The following MRPS6 variants were observed in gnomAD, a reference collection of about 807,000 sequenced individuals.
The protein encoded by MRPS6 is mitochondrial ribosomal protein S6, also known as small ribosomal subunit protein bS6m.
A neutral mutation model predicts 13.1 loss-of-function variants in MRPS6; 6 were observed. The observed-to-expected ratio is 0.46, with a 90% CI of 0.25 to 0.91. The LOEUF (loss-of-function observed/expected upper bound fraction) is 0.91. MRPS6 is among the 40% of genes least tolerant of loss of function. The pLI is 0.18. For missense variants in MRPS6, 164 were observed against 155.6 expected (o/e 1.05, Z -0.29); for synonymous variants, 61 against 56.5 (o/e 1.08, Z -0.36).
Position 34,125,372 on chromosome 21 carries a change from T to C in MRPS6, c.77T>C (p.Ile26Thr), listed in dbSNP as rs1224258604. The change falls in exon 2 of 3, where the codon ATA becomes ACA. Residue 26 changes from isoleucine (I) to threonine (T), a missense_variant. Physicochemically the swap from Ile to Thr is moderately conservative, Grantham distance 89. Coordinates refer to ENST00000399312, the MANE Select transcript of MRPS6 (RefSeq NM_032476.4). ...ACTGCTGCTACTTTGAAACGTACGA[T>C]AGAGGCCCTGATGGACAGAGGAGCA... ...PETAATLKRT[I>T]EALMDRGAIV... is the part of the protein sequence containing the mutation. The C allele has an allele frequency of 1.9e-6, 3 of 1,613,672 alleles. No individual in the cohort carries two copies. Among genetic ancestry groups the C allele is most frequent in the Admixed American group, 1.7e-5 (1 of 59,980 alleles).
At chr21:34,127,701 A>G (rs1980356478) in intron 2 of MRPS6, among the ~76,000 whole-genome samples, 3 of 152,256 alleles carry the variant, frequency 2.0e-5, no homozygotes, top group African/African-American at 7.2e-5. Flanking sequence ...GGCTTCAGGC[A>G]GTGGCCCCAT....
intron 1 of MRPS6, chr21:34,102,895 C>T (rs985432782): frequency 3.6e-5 from 36 of 999,646 alleles, no homozygotes; most frequent in African/African-American, 7.0e-5. Context: ...ATTCGACAAC[C>T]GCACAAGTTG....
At chr21:34,114,897 G>A (rs1979842582) in intron 1 of MRPS6, among the ~76,000 whole-genome samples, 2 of 152,174 alleles carry the variant, frequency 1.3e-5, no homozygotes, top group African/African-American at 2.4e-5. Context: ...TGCTCAGTGG[G>A]TTCATTTTTT....
At chr21:34,110,308 A>G (rs1388215843) in intron 1 of MRPS6, among the ~76,000 whole-genome samples, 1 of 152,112 alleles carries the variant, frequency 6.6e-6, no homozygotes, top group East Asian at 1.9e-4. Context: ...TACAAAATAC[A>G]CAAAAGTTAG....
chr21:34,100,785 T>C (rs1442020465), intron 1 of MRPS6: 2 of 1,000,156 alleles, frequency 2.0e-6, no homozygotes, highest in African/African-American at 3.5e-5. Context: ...ATAGTAGGCA[T>C]ATGGATCTTC....
intron 1 of MRPS6, among the ~76,000 whole-genome samples, chr21:34,106,563 G>A (rs777906077): frequency 5.3e-5 from 8 of 152,188 alleles, no homozygotes; most frequent in Non-Finnish European, 8.8e-5. Context: ...GAGGAATTTA[G>A]GACTTGACTT....
chr21:34,105,036 C>G (rs981353919), intron 1 of MRPS6: 1 of 999,722 alleles, frequency 1.0e-6, no homozygotes, highest in Non-Finnish European at 1.2e-6. Flanking sequence ...GCAAACAGAT[C>G]AAGTCTTTTG....
chr21:34,110,397 T>C (rs1979649450), intron 1 of MRPS6, among the ~76,000 whole-genome samples: 1 of 152,158 alleles, frequency 6.6e-6, no homozygotes, highest in African/African-American at 2.4e-5. Context: ...GAAGGATTGC[T>C]TGAGCCTGGG....
intron 1 of MRPS6, among the ~76,000 whole-genome samples, chr21:34,083,250 C>G (rs1443176717): frequency 6.6e-6 from 1 of 152,190 alleles, no homozygotes; most frequent in Non-Finnish European, 1.5e-5. Flanking sequence ...GTTGTGGTTG[C>G]ATTTCAGCTG....
At chr21:34,104,003 G>A (rs942824182) in intron 1 of MRPS6, 1 of 999,936 alleles carries the variant, frequency 1.0e-6, no homozygotes, top group African/African-American at 1.7e-5. Context: ...AATCTTTTAG[G>A]AAATATTACC....
At chr21:34,093,226 T>C (rs1475570603) in intron 1 of MRPS6, among the ~76,000 whole-genome samples, 5 of 150,972 alleles carry the variant, frequency 3.3e-5, no homozygotes, top group Non-Finnish European at 5.9e-5. Flanking sequence ...GATACAAACC[T>C]CAACTTTTAA....
At chr21:34,078,061 G>A (rs979157146) in intron 1 of MRPS6, among the ~76,000 whole-genome samples, 1 of 152,142 alleles carries the variant, frequency 6.6e-6, no homozygotes, top group Non-Finnish European at 1.5e-5. Flanking sequence ...GCAAGCATTT[G>A]ATAACTAGGA....
intron 1 of MRPS6, among the ~76,000 whole-genome samples, chr21:34,074,801 A>G (rs532089403): frequency 7.9e-5 from 12 of 152,366 alleles, no homozygotes; most frequent in East Asian, 1.9e-4. Flanking sequence ...CTCCAGGTCA[A>G]TTGCGAGGAG....
intron 1 of MRPS6, chr21:34,102,515 T>C (rs1979290349): frequency 1.0e-6 from 1 of 999,990 alleles, no homozygotes; most frequent in South Asian, 4.7e-5. Flanking sequence ...AAACAAAAAC[T>C]GTTTGGTATA....
At chr21:34,136,650 G>GT (rs1281113424) in intron 2 of MRPS6, among the ~76,000 whole-genome samples, 3 of 152,090 alleles carry the variant, frequency 2.0e-5, no homozygotes, top group Admixed American at 6.5e-5. Flanking sequence ...TTGTTTAAAA[G>GT]TTTTTTTAAA....
intron 2 of MRPS6, among the ~76,000 whole-genome samples, chr21:34,137,144 G>A (rs1980735444): frequency 1.3e-5 from 2 of 152,114 alleles, no homozygotes; most frequent in African/African-American, 2.4e-5. Context: ...AGTTGTTTTG[G>A]CTGTTTTAGA....
chr21:34,135,481 G>A (rs1980662110), intron 2 of MRPS6: 1 of 500,182 alleles, frequency 2.0e-6, no homozygotes, highest in Non-Finnish European at 4.0e-6. Context: ...CTTCTTGATG[G>A]CAAAGGAGTT....
At chr21:34,083,101 T>G (rs894710147) in intron 1 of MRPS6, among the ~76,000 whole-genome samples, 3 of 152,214 alleles carry the variant, frequency 2.0e-5, no homozygotes, top group African/African-American at 7.2e-5. Flanking sequence ...TTTAAAAGTT[T>G]CTCTGTAACA....
intron 2 of MRPS6, among the ~76,000 whole-genome samples, chr21:34,140,492 G>C (rs377251974): frequency 6.6e-6 from 1 of 152,098 alleles, no homozygotes; most frequent in East Asian, 1.9e-4. Flanking sequence ...GGTTGGCCTC[G>C]GTAAATGTTC....
Sources: gnomAD v4.1 joint callset for allele counts (sites outside exome capture counted in the v4.1 genomes callset) on GRCh38, gnomAD v4.1.1 for gene constraint, MANE v1.5 for transcripts, NCBI Gene and HGNC (gene_info 2026-07-23, HGNC 2026-07-21) for gene names.